Variants in MTMR6 observed in about 807,000 individuals in gnomAD.
MTMR6 encodes the protein phosphatidylinositol-3,5-bisphosphate 3-phosphatase MTMR6.
MTMR6 carries 47 observed loss-of-function variants against 80.1 expected under a neutral mutation model. The ratio of observed to expected loss-of-function variants is 0.59; its 90% CI spans 0.46 to 0.75. The LOEUF is 0.75. Among genes scored for constraint, MTMR6 ranks in the 30% least tolerant of loss-of-function variants. The pLI, the probability that MTMR6 is intolerant of heterozygous loss-of-function variation, is 0.00. For synonymous variants in MTMR6, 254 were observed against 253.0 expected (o/e 1.00, Z -0.04); for missense variants, 629 against 730.9 (o/e 0.86, Z 1.61).
chr13:25,282,947 T>A (rs1957888343), intron 1 of MTMR6, among the ~76,000 whole-genome samples: 2 of 151,586 alleles, frequency 1.3e-5, no homozygotes, highest in Admixed American at 1.3e-4. Context: ...CTCCACAGAG[T>A]CTCAACATAT....
At position 25,248,421 on chromosome 13, in the gene MTMR6, T is replaced by C. The variant is rs1957023416; in HGVS notation, c.*811A>G. 6.6e-6 allele frequency: 1 copy of C among 152,142 alleles called. No homozygotes were observed. Among genetic ancestry groups the C allele is most frequent in the South Asian group, 2.1e-4 (1 of 4,830 alleles). 9.4% of individuals were successfully genotyped at this position (152,142 alleles called of 1,614,324 possible). A position where few individuals can be genotyped will look rare whatever the true frequency, so the allele number is the denominator to read the frequency against. On this transcript the variant is annotated 3_prime_UTR_variant, in exon 14 of 14. Coordinates refer to ENST00000381801, the MANE Select transcript of MTMR6 (RefSeq NM_004685.5). ...TCAATGGAATGCAGTAATCCATATA[T>C]AAAAGACAGTCAAATGTGCTTATAC...
chr13:25,264,263 CAAA>C (rs34636887), intron 5 of MTMR6, among the ~76,000 whole-genome samples: 1 of 147,332 alleles, frequency 6.8e-6, no homozygotes. Context: ...CCAGAAAATC[CAAA>C]AAAAAAAATG....
In MTMR6 at chr13:25,274,689, C is replaced by T. The variant is rs114198638; in HGVS notation, c.25-502G>A. Reference sequence around the variant, plus strand: ...TTTTGTCCACCTCTGGGCTTTTACTCACACTGTTCTCTGTTTCTAAAATGG... The same window carrying T: ...TTTTGTCCACCTCTGGGCTTTTACTTACACTGTTCTCTGTTTCTAAAATGG... On this transcript the variant is annotated intron_variant, in intron 1 of 13. Coordinates refer to ENST00000381801, the MANE Select transcript of MTMR6 (RefSeq NM_004685.5). Among the ~76,000 whole-genome samples, 408 of 152,188 alleles carry T rather than the reference C, an allele frequency of 2.7e-3. 1 individual carries two copies. The highest frequency in any genetic ancestry group is 9.2e-3 in the African/African-American group (382 of 41,540).
intron 2 of MTMR6, among the ~76,000 whole-genome samples, chr13:25,268,755 C>T (rs1255094485): frequency 2.0e-5 from 3 of 152,124 alleles, no homozygotes; most frequent in African/African-American, 7.2e-5. Context: ...GACCTGGGAA[C>T]AGGTGATCCC....
At position 25,260,820 on chromosome 13, in the gene MTMR6, A is replaced by G. The variant is rs1340320509; in HGVS notation, c.726+848T>C. 4.7e-4 allele frequency: 165 copies of G among 347,738 alleles called. 3 individuals carry two copies. The Admixed American group carries it at 8.9e-3, about 19-fold the overall frequency. 21.5% of individuals were successfully genotyped at this position (347,738 alleles called of 1,614,324 possible). A position where few individuals can be genotyped will look rare whatever the true frequency, so the allele number is the denominator to read the frequency against. On this transcript the variant is annotated intron_variant, in intron 6 of 13. Transcript: ENST00000381801. ...AGAAGGGACTCTGAAATTTGTCCCA[A>G]TGATAAAAATTTGGCCCCATAGCAC... is the stretch of plus-strand genomic sequence containing the variant.
intron 10 of MTMR6, 54 bp from the exon 11 acceptor site, chr13:25,254,018 TC>T: frequency 6.5e-7 from 1 of 1,545,184 alleles, no homozygotes; most frequent in East Asian, 2.3e-5. Flanking sequence ...GGTCCATTGT[TC>T]AGGTATTGTT....
chr13:25,271,269 C>T (rs1390330104), intron 2 of MTMR6, among the ~76,000 whole-genome samples: 1 of 152,128 alleles, frequency 6.6e-6, no homozygotes, highest in Non-Finnish European at 1.5e-5. Flanking sequence ...CTTCTCCTCC[C>T]TGATAAGCAA....
chr13:25,249,889 T>C (rs957807590), intron 13 of MTMR6, among the ~76,000 whole-genome samples: 1 of 152,246 alleles, frequency 6.6e-6, no homozygotes, highest in Admixed American at 6.5e-5. Flanking sequence ...ACTGACTATA[T>C]AGAGTTTTTC....
intron 1 of MTMR6, among the ~76,000 whole-genome samples, chr13:25,274,961 T>TACACAC (rs71077456): frequency 0.087 from 9,061 of 104,740 alleles, 826 homozygotes; most frequent in Middle Eastern, 0.096. Flanking sequence ...CACACACACA[T>TACACAC]ACACACACAC....
intron 1 of MTMR6, among the ~76,000 whole-genome samples, chr13:25,282,614 T>TC (rs1957878563): frequency 1.3e-5 from 2 of 150,500 alleles, no homozygotes; most frequent in Admixed American, 6.6e-5. Flanking sequence ...CTTTTTTCTT[T>TC]TTTTTTTTTT....
At chr13:25,280,914 T>G (rs1424978770) in intron 1 of MTMR6, among the ~76,000 whole-genome samples, 1 of 152,226 alleles carries the variant, frequency 6.6e-6, no homozygotes, top group African/African-American at 2.4e-5. Flanking sequence ...TTGCCAACTA[T>G]GGGCCTGCAC....
intron 1 of MTMR6, 132 bp from the exon 2 acceptor site, chr13:25,274,319 C>T (rs1957657003): frequency 1.8e-6 from 1 of 560,038 alleles, no homozygotes; most frequent in Non-Finnish European, 3.1e-6. Flanking sequence ...TTAATACTTA[C>T]TGTTAAATTC....
intron 1 of MTMR6, among the ~76,000 whole-genome samples, chr13:25,275,467 A>C: frequency 6.6e-6 from 1 of 152,056 alleles, no homozygotes; most frequent in East Asian, 1.9e-4. Flanking sequence ...TATGTGTACC[A>C]GCAGGTTGCA....
chr13:25,251,761 A>AT lies in MTMR6; in HGVS notation c.1492dup (p.Met498AsnfsTer6). The AT allele has an allele frequency of 1.2e-6, 2 of 1,607,436 alleles. No homozygotes were observed. The highest frequency in any genetic ancestry group is 1.7e-6 in the Non-Finnish European group (2 of 1,177,108). On this transcript the variant is annotated frameshift_variant, in exon 13 of 14. Coordinates refer to ENST00000381801, the MANE Select transcript of MTMR6 (RefSeq NM_004685.5). LOFTEE classifies it high-confidence loss of function. The surrounding 1 kb of genome is among the most constrained non-coding windows in gnomAD (Gnocchi z 4.1). ...CAGTGTTCGATCAAATTGATGGTAC[A>AT]TGTTCCTCCAAAACCTTTATGACAA... is the stretch of plus-strand genomic sequence containing the variant.
At chr13:25,269,351 A>C (rs1258829290) in intron 2 of MTMR6, among the ~76,000 whole-genome samples, 1 of 152,214 alleles carries the variant, frequency 6.6e-6, no homozygotes, top group Non-Finnish European at 1.5e-5. Flanking sequence ...AGAGTTTACT[A>C]AATGAATGAA....
intron 1 of MTMR6, among the ~76,000 whole-genome samples, chr13:25,280,570 C>T (rs1489635537): frequency 6.6e-6 from 1 of 152,158 alleles, no homozygotes; most frequent in Admixed American, 6.5e-5. Context: ...TTTATATTTC[C>T]CCCTTTCAGC....
intron 1 of MTMR6, among the ~76,000 whole-genome samples, chr13:25,283,529 A>G (rs1383561625): frequency 6.6e-6 from 1 of 152,200 alleles, no homozygotes; most frequent in Non-Finnish European, 1.5e-5. Context: ...GTATATTTGT[A>G]TACATACATA....
intron 2 of MTMR6, 149 bp from the exon 3 acceptor site, chr13:25,268,090 C>T (rs901426437): frequency 2.7e-5 from 19 of 695,836 alleles, no homozygotes; most frequent in Non-Finnish European, 4.3e-5. Flanking sequence ...TGACTGAATG[C>T]CCAAGTCAGA....
At position 25,246,350 on chromosome 13, in the gene MTMR6, T is replaced by G. The variant is rs1956979078; in HGVS notation, c.*2882A>C. On this transcript the variant is annotated 3_prime_UTR_variant, in exon 14 of 14. Coordinates refer to ENST00000381801, the MANE Select transcript of MTMR6 (RefSeq NM_004685.5). ...TAGATTCCAGGCTTTCTTCTAGATGTAAGTTCCTAAAGCTTATAGTTTACA... is the reference window on the plus strand; with the variant it reads ...TAGATTCCAGGCTTTCTTCTAGATGGAAGTTCCTAAAGCTTATAGTTTACA... 2.6e-5 allele frequency: 4 copies of G among 152,666 alleles called. No individual in the cohort carries two copies. The South Asian group carries it at 8.3e-4, about 32-fold the overall frequency. The allele number at this position is 152,666 out of a possible 1,614,324, so 9.5% of individuals were successfully genotyped here.
Sources: gnomAD v4.1 joint callset for allele counts (sites outside exome capture counted in the v4.1 genomes callset) on GRCh38, gnomAD v4.1.1 for gene constraint, Gnocchi (gnomAD v3.1) non-coding constraint, MANE v1.5 for transcripts, NCBI Gene and HGNC (gene_info 2026-07-23, HGNC 2026-07-21) for gene names.